The following PTPRQ variants were observed in gnomAD, a reference collection of about 807,000 sequenced individuals.
PTPRQ encodes the protein protein tyrosine phosphatase receptor type Q, also known as phosphatidylinositol phosphatase PTPRQ.
In PTPRQ, 199 loss-of-function variants were observed where a neutral mutation model predicts 246.0. That is an observed-to-expected ratio of 0.81 (90% CI 0.72 to 0.91). The LOEUF (loss-of-function observed/expected upper bound fraction) is 0.91. Among genes scored for constraint, PTPRQ ranks in the 40% least tolerant of loss-of-function variants. The pLI, the probability that PTPRQ is intolerant of heterozygous loss-of-function variation, is 0.00. For synonymous variants in PTPRQ, 869 were observed against 853.2 expected (o/e 1.02, Z -0.32); for missense variants, 2,624 against 2,528.4 (o/e 1.04, Z -0.81).
intron 35 of PTPRQ, among the ~76,000 whole-genome samples, chr12:80,648,353 G>C (rs938687214): frequency 6.6e-6 from 1 of 151,998 alleles, no homozygotes; most frequent in Non-Finnish European, 1.5e-5. Flanking sequence ...TGTTTACAGA[G>C]TATAAGTAAT....
chr12:80,494,283 A>G (rs1034239549), intron 10 of PTPRQ, among the ~76,000 whole-genome samples: 1 of 151,986 alleles, frequency 6.6e-6, no homozygotes, highest in Non-Finnish European at 1.5e-5. Context: ...CCTAATTGCT[A>G]CTTAAGAGTT....
chr12:80,623,124 A>G (rs1899057526), intron 33 of PTPRQ, among the ~76,000 whole-genome samples: 1 of 152,120 alleles, frequency 6.6e-6, no homozygotes, highest in African/African-American at 2.4e-5. Flanking sequence ...GCTGTTGCTC[A>G]GTGTATCTTG....
At chr12:80,494,479 G>A (rs1025114095) in intron 10 of PTPRQ, among the ~76,000 whole-genome samples, 1 of 151,808 alleles carries the variant, frequency 6.6e-6, no homozygotes, top group African/African-American at 2.4e-5. Context: ...CTAAAACCTG[G>A]TATTGATTTA....
At chr12:80,556,680 G>A (rs1431861976) in intron 25 of PTPRQ, among the ~76,000 whole-genome samples, 1 of 152,162 alleles carries the variant, frequency 6.6e-6, no homozygotes, top group Non-Finnish European at 1.5e-5. Flanking sequence ...GTTAGGTTGA[G>A]ATCAGAAGAG....
intron 25 of PTPRQ, among the ~76,000 whole-genome samples, chr12:80,577,403 A>T (rs1249154038): frequency 6.6e-6 from 1 of 152,108 alleles, no homozygotes; most frequent in Non-Finnish European, 1.5e-5. Flanking sequence ...GTGAGACCTA[A>T]CTCACTATCA....
intron 3 of PTPRQ, among the ~76,000 whole-genome samples, chr12:80,452,798 A>AT (rs1892814705): frequency 6.6e-6 from 1 of 151,932 alleles, no homozygotes. Context: ...TGCCCTTAAC[A>AT]TTTTTTCCTT....
intron 33 of PTPRQ, among the ~76,000 whole-genome samples, chr12:80,631,067 A>G (rs1039122853): frequency 6.6e-6 from 1 of 152,196 alleles, no homozygotes; most frequent in Non-Finnish European, 1.5e-5. Context: ...CAGCAAAATT[A>G]TCTTCTAATA....
At chr12:80,474,305 C>G (rs1246906759) in intron 8 of PTPRQ, among the ~76,000 whole-genome samples, 1 of 152,094 alleles carries the variant, frequency 6.6e-6, no homozygotes, top group East Asian at 1.9e-4. Flanking sequence ...ATATTTTAAA[C>G]CAGTCTATCA....
chr12:80,658,725 T>C (rs1197105055), intron 39 of PTPRQ, among the ~76,000 whole-genome samples: 1 of 152,058 alleles, frequency 6.6e-6, no homozygotes, highest in African/African-American at 2.4e-5. Flanking sequence ...TATGTCTCTT[T>C]ATATTCTTAC....
At chr12:80,642,818 G>T (rs1276882893) in intron 35 of PTPRQ, among the ~76,000 whole-genome samples, 2 of 148,612 alleles carry the variant, frequency 1.3e-5, no homozygotes, top group Non-Finnish European at 3.0e-5. Context: ...TACTCGGGAG[G>T]CTGAGGCAGG....
intron 14 of PTPRQ, among the ~76,000 whole-genome samples, chr12:80,496,996 T>C (rs990306351): frequency 1.3e-5 from 2 of 150,984 alleles, no homozygotes; most frequent in African/African-American, 4.9e-5. Context: ...AATGAGGAGG[T>C]TGGAATGGGC....
At chr12:80,659,066 G>A (rs1043380946) in intron 39 of PTPRQ, among the ~76,000 whole-genome samples, 1 of 152,012 alleles carries the variant, frequency 6.6e-6, no homozygotes, top group Non-Finnish European at 1.5e-5. Context: ...GTTGTCAAAG[G>A]AGTGAATAAT....
intron 25 of PTPRQ, among the ~76,000 whole-genome samples, chr12:80,568,119 T>A (rs1290892165): frequency 6.6e-6 from 1 of 152,160 alleles, no homozygotes; most frequent in Non-Finnish European, 1.5e-5. Flanking sequence ...TAATAATCAA[T>A]GTAGAAAATT....
intron 25 of PTPRQ, among the ~76,000 whole-genome samples, chr12:80,567,222 A>T (rs951775846): frequency 1.3e-5 from 2 of 152,236 alleles, no homozygotes; most frequent in Non-Finnish European, 2.9e-5. Context: ...TTAAAAATCT[A>T]CATTTACAAA....
At chr12:80,463,178 T>A (rs1047120701) in intron 6 of PTPRQ, among the ~76,000 whole-genome samples, 9 of 152,178 alleles carry the variant, frequency 5.9e-5, no homozygotes, top group African/African-American at 2.2e-4. Context: ...TTAAAGGAGC[T>A]GATGGAGCTG....
chr12:80,451,369 T>A (rs1228227555), intron 3 of PTPRQ, among the ~76,000 whole-genome samples: 1 of 103,016 alleles, frequency 9.7e-6, no homozygotes, highest in Non-Finnish European at 1.9e-5. Context: ...TTTTTGTGTC[T>A]CTATGTCCTT....
intron 19 of PTPRQ, among the ~76,000 whole-genome samples, chr12:80,535,747 C>G (rs1173519821): frequency 1.3e-5 from 2 of 152,138 alleles, no homozygotes; most frequent in African/African-American, 4.8e-5. Flanking sequence ...TCACAGAACT[C>G]TAACATATAA....
intron 14 of PTPRQ, among the ~76,000 whole-genome samples, chr12:80,501,942 CA>C (rs10679738): frequency 4.7e-5 from 7 of 147,930 alleles, no homozygotes; most frequent in Non-Finnish European, 7.5e-5. Context: ...GTATGATAGG[CA>C]AAAAAAAATG....
chr12:80,503,381 C>G (rs1894860779), intron 14 of PTPRQ, among the ~76,000 whole-genome samples: 1 of 151,754 alleles, frequency 6.6e-6, no homozygotes, highest in Non-Finnish European at 1.5e-5. Context: ...GCAATCCTCT[C>G]AAAGTTTTAA....
Sources: allele counts gnomAD v4.1 joint callset (sites outside exome capture counted in the v4.1 genomes callset), GRCh38; gene constraint gnomAD v4.1.1; transcripts MANE v1.5; gene names NCBI Gene and HGNC (gene_info 2026-07-23, HGNC 2026-07-21).